Variants in VAPB observed in about 807,000 individuals in gnomAD.
The protein encoded by VAPB is vesicle-associated membrane protein-associated protein B/C.
A neutral mutation model predicts 25.6 loss-of-function variants in VAPB; 7 were observed. The ratio of observed to expected loss-of-function variants is 0.27; its 90% confidence interval spans 0.16 to 0.51. The LOEUF (loss-of-function observed/expected upper bound fraction) is 0.51. Among genes scored for constraint, VAPB ranks in the 20% least tolerant of loss-of-function variants. The pLI, the probability that VAPB is intolerant of heterozygous loss-of-function variation, is 0.97. For synonymous variants in VAPB, 112 were observed against 109.2 expected (o/e 1.03, Z -0.16); for missense variants, 266 against 301.3 (o/e 0.88, Z 0.87).
At position 58,450,519 on chromosome 20, in the gene VAPB, G is replaced by A. The variant is rs561806654; in HGVS notation, c.*6284G>A. The A allele has an allele frequency of 6.6e-6, 3 of 453,244 alleles. No homozygotes were observed. The highest frequency in any genetic ancestry group is 8.8e-6 in the Non-Finnish European group (2 of 226,726). 28.1% of individuals were successfully genotyped at this position (453,244 alleles called of 1,614,324 possible). On this transcript the variant is annotated 3_prime_UTR_variant, in exon 6 of 6. Transcript: ENST00000475243. ...TTGCTGTCGTTTCCTTTTTAAAGAC[G>A]ATTTATCAACTGCTGCCATTTGGAA... is the stretch of plus-strand genomic sequence containing the variant.
intron 1 of VAPB, among the ~76,000 whole-genome samples, chr20:58,394,868 T>C (rs1987908238): frequency 6.6e-6 from 1 of 152,228 alleles, no homozygotes; most frequent in Non-Finnish European, 1.5e-5. Flanking sequence ...CATCCAAGTG[T>C]GGATTTACTA....
At position 58,450,156 on chromosome 20, in the gene VAPB, T is replaced by C. The variant is rs1181230983; in HGVS notation, c.*5921T>C. On this transcript the variant is annotated 3_prime_UTR_variant, in exon 6 of 6. Coordinates refer to ENST00000475243, the MANE Select transcript of VAPB (RefSeq NM_004738.5). ...CTGGCTGCCTGCATTCCCGTCTTTCTTTTGTTTTTAAGAAATAGACTGAAT... is the reference window on the plus strand; with the variant it reads ...CTGGCTGCCTGCATTCCCGTCTTTCCTTTGTTTTTAAGAAATAGACTGAAT... 4.4e-6 allele frequency: 2 copies of C among 454,104 alleles called. No homozygotes were observed. The highest frequency in any genetic ancestry group is 3.1e-5 in the South Asian group (2 of 64,472). The allele number at this position is 454,104 out of a possible 1,614,324, so 28.1% of individuals were successfully genotyped here. A position where few individuals can be genotyped will look rare whatever the true frequency, so the allele number is the denominator to read the frequency against.
rs535179830 is a variant in VAPB at position 58,419,380 on chromosome 20, C to T, written c.211+1017C>T. ...ATTATGGTGCACCCATGCCAGCTCT[C>T]CCCCTGTGCTTCTCTTGAGTCTGCA... On this transcript the variant is annotated intron_variant, in intron 2 of 5. Coordinates refer to ENST00000475243, the MANE Select transcript of VAPB (RefSeq NM_004738.5). 1.1e-4 allele frequency among the ~76,000 whole-genome samples: 17 copies of T among 152,306 alleles called. No individual in the cohort carries two copies. In the South Asian group the frequency reaches 3.5e-3, roughly 32 times the overall value.
At chr20:58,423,791 A>G (rs1408738011) in intron 2 of VAPB, among the ~76,000 whole-genome samples, 2 of 152,218 alleles carry the variant, frequency 1.3e-5, no homozygotes, top group Admixed American at 6.5e-5. Flanking sequence ...AAACTTTTTT[A>G]TAAGTGGTTT....
chr20:58,401,333 C>A (rs1212284885), intron 1 of VAPB, among the ~76,000 whole-genome samples: 1 of 152,108 alleles, frequency 6.6e-6, no homozygotes, highest in African/African-American at 2.4e-5. Flanking sequence ...CCTTTTTACC[C>A]TGTCTAGCTA....
chr20:58,406,487 G>A (rs1251894836), intron 1 of VAPB, among the ~76,000 whole-genome samples: 1 of 152,170 alleles, frequency 6.6e-6, no homozygotes, highest in Non-Finnish European at 1.5e-5. Context: ...AAAGGAACCA[G>A]AACAGATTAC....
intron 1 of VAPB, among the ~76,000 whole-genome samples, chr20:58,390,845 T>G (rs1206914397): frequency 6.8e-6 from 1 of 147,340 alleles, no homozygotes; most frequent in Non-Finnish European, 1.5e-5. Flanking sequence ...TTAACCGTTT[T>G]GCTGTCTGAT....
At chr20:58,424,971 G>C (rs975618415) in intron 2 of VAPB, among the ~76,000 whole-genome samples, 1 of 152,250 alleles carries the variant, frequency 6.6e-6, no homozygotes, top group Non-Finnish European at 1.5e-5. Context: ...AGGTGGTCAT[G>C]ATCTCAACGT....
chr20:58,414,148 C>T (rs1213881483), intron 1 of VAPB, among the ~76,000 whole-genome samples: 4 of 127,308 alleles, frequency 3.1e-5, no homozygotes, highest in Non-Finnish European at 5.2e-5. Context: ...ACCTCCCTCC[C>T]GGACGGGGCG....
rs199583741 is a variant in VAPB at position 58,401,606 on chromosome 20, TC to T, written c.58+12091del. 8.9e-3 allele frequency among the ~76,000 whole-genome samples: 1,351 copies of T among 152,244 alleles called. 25 individuals carry two copies. Among genetic ancestry groups the T allele is most frequent in the African/African-American group, 0.031 (1,282 of 41,550 alleles). On this transcript the variant is annotated intron_variant, in intron 1 of 5. Coordinates refer to ENST00000475243, the MANE Select transcript of VAPB (RefSeq NM_004738.5). ...CCAGTTTTGCCCACTCATCATGCAG[TC>T]CGGTTGGTAATGCTCAGGGTTACAG...
intron 1 of VAPB, among the ~76,000 whole-genome samples, chr20:58,414,555 G>C (rs1482783596): frequency 6.6e-6 from 1 of 151,782 alleles, no homozygotes; most frequent in East Asian, 2.0e-4. Context: ...CGGGGTCGTG[G>C]CCGGGCAGAG....
At chr20:58,414,369 A>G (rs1600791464) in intron 1 of VAPB, among the ~76,000 whole-genome samples, 2 of 129,444 alleles carry the variant, frequency 1.5e-5, no homozygotes, top group African/African-American at 6.0e-5. Context: ...CCGGGCGGAG[A>G]CGCCCCCCAC....
intron 1 of VAPB, among the ~76,000 whole-genome samples, chr20:58,417,040 C>T (rs763111835): frequency 2.0e-5 from 3 of 152,124 alleles, no homozygotes; most frequent in African/African-American, 4.8e-5. Flanking sequence ...AACACATAAG[C>T]GCACACCCTT....
intron 2 of VAPB, among the ~76,000 whole-genome samples, chr20:58,427,627 AGTGATCT>A (rs1187054469): frequency 6.6e-6 from 1 of 151,782 alleles, no homozygotes; most frequent in African/African-American, 2.4e-5. Flanking sequence ...TGCAGGTGAA[AGTGATCT>A]GTGATCTGTT....
At chr20:58,414,158 G>C (rs549401416) in intron 1 of VAPB, among the ~76,000 whole-genome samples, 1 of 127,726 alleles carries the variant, frequency 7.8e-6, no homozygotes, top group Non-Finnish European at 1.7e-5. Flanking sequence ...CGGACGGGGC[G>C]GCTGGCCGGG....
chr20:58,431,967 A>C (rs1424997171), intron 2 of VAPB, among the ~76,000 whole-genome samples: 1 of 152,188 alleles, frequency 6.6e-6, no homozygotes, highest in Non-Finnish European at 1.5e-5. Context: ...CCTATTACAC[A>C]GGAGGCATGA....
At chr20:58,441,567 A>G (rs1009347318) in intron 5 of VAPB, among the ~76,000 whole-genome samples, 1 of 152,280 alleles carries the variant, frequency 6.6e-6, no homozygotes, top group African/African-American at 2.4e-5. Context: ...GCTTGAACCC[A>G]GGAGGCGGAG....
rs1336696589 is a variant in VAPB at position 58,415,914 on chromosome 20, T to G, written c.59-2297T>G. Among the ~76,000 whole-genome samples the G allele has an allele frequency of 2.0e-5, 3 of 152,234 alleles. No individual in the cohort carries two copies. In the East Asian group the frequency reaches 5.8e-4, roughly 29 times the overall value. On this transcript the variant is annotated intron_variant, in intron 1 of 5. Coordinates refer to ENST00000475243, the MANE Select transcript of VAPB (RefSeq NM_004738.5). Reference sequence around the variant, plus strand: ...ATTACTCAAATAGAATATAATTTATTTTCAATAAAATTCTTGGAGCAAATT... The same window carrying G: ...ATTACTCAAATAGAATATAATTTATGTTCAATAAAATTCTTGGAGCAAATT...
Position 58,447,664 on chromosome 20 carries a change from A to G in VAPB, c.*3429A>G, listed in dbSNP as rs201559381. ...GAAAACAGACTCTGTGTGTGTGTGC[A>G]TGTGTGCATGTGTGCATGTGTGGCA... On this transcript the variant is annotated 3_prime_UTR_variant, in exon 6 of 6. Coordinates refer to ENST00000475243, the MANE Select transcript of VAPB (RefSeq NM_004738.5). 1 of 6,262 alleles carries G rather than the reference A, an allele frequency of 1.6e-4. No homozygotes were observed. The highest frequency in any genetic ancestry group is 3.2e-4 in the Admixed American group (1 of 3,128). The allele number at this position is 6,262 out of a possible 1,614,324, so 0.4% of individuals were successfully genotyped here.
Sources: gnomAD v4.1 joint callset for allele counts (sites outside exome capture counted in the v4.1 genomes callset) on GRCh38, gnomAD v4.1.1 for gene constraint, MANE v1.5 for transcripts, NCBI Gene and HGNC (gene_info 2026-07-23, HGNC 2026-07-21) for gene names.